Variants in PTPRC observed in about 807,000 individuals in gnomAD.
PTPRC encodes the protein receptor-type tyrosine-protein phosphatase C.
In PTPRC, 44 loss-of-function variants were observed where a neutral mutation model predicts 155.9. The ratio of observed to expected loss-of-function variants is 0.28; its 90% CI spans 0.22 to 0.36. The LOEUF is 0.36. Among genes scored for constraint, PTPRC ranks in the 10% least tolerant of loss-of-function variants. The pLI, the probability that PTPRC is intolerant of heterozygous loss-of-function variation, is 1.00. For synonymous variants in PTPRC, 525 were observed against 533.1 expected (o/e 0.98, Z 0.21); for missense variants, 1,401 against 1,564.6 (o/e 0.90, Z 1.76).
At chr1:198,740,128 TA>T (rs1654831352) in intron 23 of PTPRC, among the ~76,000 whole-genome samples, 1 of 151,136 alleles carries the variant, frequency 6.6e-6, no homozygotes, top group Non-Finnish European at 1.5e-5. Flanking sequence ...AAATTTCAAA[TA>T]AACAACATAA....
Position 198,640,450 on chromosome 1 carries a change from A to G in PTPRC, c.73+1109A>G, listed in dbSNP as rs184019476. Among the ~76,000 whole-genome samples the G allele has an allele frequency of 7.3e-4, 111 of 152,076 alleles. 1 individual carries two copies. Among genetic ancestry groups the G allele is most frequent in the African/African-American group, 2.5e-3 (103 of 41,544 alleles). ...ATTGACAATTTCTATTTGGAGAGGA[A>G]AGAAAGAGGAAAGAAAAACAACATA... is the stretch of plus-strand genomic sequence containing the variant. On this transcript the variant is annotated intron_variant, in intron 2 of 32. Transcript: ENST00000442510.
intron 2 of PTPRC, among the ~76,000 whole-genome samples, chr1:198,681,057 T>C (rs1217516207): frequency 6.6e-6 from 1 of 152,190 alleles, no homozygotes. Flanking sequence ...ATAGTAGGTA[T>C]TCGGTAAATG....
intron 2 of PTPRC, among the ~76,000 whole-genome samples, chr1:198,680,184 A>G (rs1359207289): frequency 6.6e-6 from 1 of 152,254 alleles, no homozygotes; most frequent in African/African-American, 2.4e-5. Context: ...AGGCTTCACA[A>G]ACTGTCTTGT....
rs375453057 is a variant in PTPRC, at chr1:198,706,824, A to T, written c.776A>T (p.Glu259Val). The T allele has an allele frequency of 5.0e-5, 81 of 1,613,164 alleles. No homozygotes were observed. Among genetic ancestry groups the T allele is most frequent in the Middle Eastern group, 1.7e-4 (1 of 6,042 alleles). The change falls in exon 9 of 33, where the codon GAA (glutamate) becomes GTA (valine). Residue 259 changes from glutamate (E) to valine (V), a missense_variant. By Grantham distance (121) the Glu-to-Val change is moderately radical (BLOSUM62 -2). This residue lies in a region of PTPRC where 867 missense variants were observed against 970.4 expected (regional missense o/e 0.89). Coordinates refer to ENST00000442510, the MANE Select transcript of PTPRC (RefSeq NM_002838.5). ...AAGCTAAATGTTAATGAGAATGTGGAATGTGGAAACAATACTTGCACAAAC... is the reference window on the plus strand; with the variant it reads ...AAGCTAAATGTTAATGAGAATGTGGTATGTGGAAACAATACTTGCACAAAC... ...TAKLNVNENV[E>V]CGNNTCTNNE...
intron 15 of PTPRC, among the ~76,000 whole-genome samples, chr1:198,722,861 A>G (rs1185450548): frequency 1.3e-5 from 2 of 151,742 alleles, no homozygotes; most frequent in African/African-American, 4.8e-5. Context: ...CTTAGATACA[A>G]GTCTGTCTTG....
chr1:198,678,758 T>A (rs150252044), intron 2 of PTPRC, among the ~76,000 whole-genome samples: 1 of 152,046 alleles, frequency 6.6e-6, no homozygotes, highest in African/African-American at 2.4e-5. Context: ...TTTTCTTTTT[T>A]TTTTTGTAAC....
chr1:198,703,802 G>A (rs547718824), intron 7 of PTPRC: 146 of 210,116 alleles, frequency 6.9e-4, no homozygotes, highest in Non-Finnish European at 1.2e-3. Flanking sequence ...GGTGGTATCT[G>A]TGAATCAGCA....
chr1:198,723,960 C>A (rs2102461762), intron 15 of PTPRC, among the ~76,000 whole-genome samples: 1 of 152,294 alleles, frequency 6.6e-6, no homozygotes, highest in South Asian at 2.1e-4. Context: ...GCGGGCACTG[C>A]ACTCAGGGAA....
intron 2 of PTPRC, among the ~76,000 whole-genome samples, chr1:198,650,217 G>A (rs1052839697): frequency 1.3e-5 from 2 of 151,884 alleles, no homozygotes; most frequent in Non-Finnish European, 2.9e-5. Context: ...AATGGAAAGA[G>A]CTTGAATTTT....
intron 4 of PTPRC, among the ~76,000 whole-genome samples, chr1:198,697,151 G>A (rs1371641562): frequency 6.6e-6 from 1 of 152,128 alleles, no homozygotes. Flanking sequence ...ACAATCAGGA[G>A]GGGAAATTTG....
chr1:198,642,233 G>A lies in PTPRC; in HGVS notation c.73+2892G>A, dbSNP rs1343796444. On this transcript the variant is annotated intron_variant, in intron 2 of 32. Transcript: ENST00000442510. ...TGGACTATTTGCTATCCTCTCACCAGTGACAATTAACCAGTATAGAAATAT... is the reference window on the plus strand; with the variant it reads ...TGGACTATTTGCTATCCTCTCACCAATGACAATTAACCAGTATAGAAATAT... Among the ~76,000 whole-genome samples, 3 of 151,958 alleles carry A rather than the reference G, an allele frequency of 2.0e-5. No individual in the cohort carries two copies. The South Asian group carries it at 6.2e-4, about 31-fold the overall frequency.
intron 4 of PTPRC, 60 bp from the exon 5 acceptor site, chr1:198,699,504 G>C: frequency 1.3e-6 from 2 of 1,599,346 alleles, no homozygotes; most frequent in Non-Finnish European, 1.7e-6. Context: ...TAACCTCTTA[G>C]TAAATTATTC....
upstream of PTPRC, chr1:198,638,875 A>G (rs1480909571): frequency 4.9e-6 from 1 of 203,934 alleles, no homozygotes; most frequent in Non-Finnish European, 1.0e-5. Flanking sequence ...GATGGTTTAA[A>G]AACATCTTCC....
At chr1:198,707,027 ACAGGAGCTAGT>A in intron 9 of PTPRC, 75 bp downstream of exon 9, 3 of 1,249,756 alleles carry the variant, frequency 2.4e-6, no homozygotes, top group Non-Finnish European at 3.5e-6. Context: ...TCCAGTGGTC[ACAGGAGCTAGT>A]CTGGTGAGAG....
chr1:198,644,358 T>C, intron 2 of PTPRC, among the ~76,000 whole-genome samples: 1 of 151,828 alleles, frequency 6.6e-6, no homozygotes, highest in East Asian at 1.9e-4. Flanking sequence ...AAAAAAAATA[T>C]GGCAAGACTT....
chr1:198,663,077 T>C (rs1664075528), intron 2 of PTPRC, among the ~76,000 whole-genome samples: 1 of 152,148 alleles, frequency 6.6e-6, no homozygotes, highest in Non-Finnish European at 1.5e-5. Flanking sequence ...GGAAGTGCAA[T>C]AGATTTCTGA....
intron 14 of PTPRC, among the ~76,000 whole-genome samples, chr1:198,718,750 C>A (rs1322722387): frequency 2.0e-5 from 3 of 152,060 alleles, no homozygotes; most frequent in Non-Finnish European, 4.4e-5. Context: ...ATTTAAAACA[C>A]TCATTATCTC....
At chr1:198,749,980 T>C (rs2102539717) in intron 28 of PTPRC, among the ~76,000 whole-genome samples, 1 of 151,996 alleles carries the variant, frequency 6.6e-6, no homozygotes, top group South Asian at 2.1e-4. Context: ...CCCACTTTTT[T>C]AATTAACTGA....
Position 198,639,045 on chromosome 1 carries a change from C to T in PTPRC, c.-136C>T. On this transcript the variant is annotated 5_prime_UTR_variant, in exon 1 of 33. Transcript: ENST00000442510. ...AAGTTAGTAAAACCGAATCTGACAT[C>T]ATCACCTAGCAGTTCATGCAGCTAG... The T allele has an allele frequency of 1.9e-6, 1 of 528,496 alleles. No homozygotes were observed. The highest frequency in any genetic ancestry group is 2.4e-5 in the South Asian group (1 of 40,908). 32.7% of individuals were successfully genotyped at this position (528,496 alleles called of 1,614,324 possible). A position where few individuals can be genotyped will look rare whatever the true frequency, so the allele number is the denominator to read the frequency against.
Sources: gnomAD v4.1 joint callset for allele counts (sites outside exome capture counted in the v4.1 genomes callset) on GRCh38, gnomAD v4.1.1 for gene constraint, gnomAD v4.1.1 regional missense constraint, MANE v1.5 for transcripts, NCBI Gene and HGNC (gene_info 2026-07-23, HGNC 2026-07-21) for gene names.